The following VPS9D1 variants were observed in gnomAD, a reference collection of about 807,000 sequenced individuals.
The protein encoded by VPS9D1 is VPS9 domain-containing protein 1.
Under a neutral mutation model 75.8 loss-of-function variants are expected in VPS9D1, and 78 were observed. The ratio of observed to expected loss-of-function variants is 1.03; its 90% confidence interval spans 0.86 to 1.24. The LOEUF (loss-of-function observed/expected upper bound fraction) is 1.24, where lower values mean the gene tolerates loss of function less well. VPS9D1 is among the 50% of genes most tolerant of loss of function. The pLI, the probability that VPS9D1 is intolerant of heterozygous loss-of-function variation, is 0.00. For missense variants in VPS9D1, 1,057 were observed against 847.7 expected (o/e 1.25, Z -3.07); for synonymous variants, 481 against 385.6 (o/e 1.25, Z -2.90).
intron 4 of VPS9D1, among the ~76,000 whole-genome samples, chr16:89,714,776 C>T (rs753482236): frequency 1.3e-5 from 2 of 152,142 alleles, no homozygotes; most frequent in African/African-American, 2.4e-5. Context: ...CGCTCTGTTG[C>T]TAGGCTGGAG....
intron 4 of VPS9D1, among the ~76,000 whole-genome samples, 157 bp downstream of exon 4, chr16:89,716,305 G>T (rs1376427650): frequency 6.6e-6 from 1 of 152,064 alleles, no homozygotes; most frequent in African/African-American, 2.4e-5. Flanking sequence ...GGTGGAGGTT[G>T]CCGTGAGCCA....
Position 89,710,829 on chromosome 16 carries a change from C to G in VPS9D1, c.1015G>C (p.Glu339Gln), listed in dbSNP as rs902718558. 1.3e-6 allele frequency: 2 copies of G among 1,525,658 alleles called. No homozygotes were observed. Among genetic ancestry groups the G allele is most frequent in the Non-Finnish European group, 1.8e-6 (2 of 1,131,564 alleles). The allele number at this position is 1,525,658 out of a possible 1,614,324, so 94.5% of individuals were successfully genotyped here. ...TGGGGCCGCGGGGCTGCGCTGGGCTCGGGCGGGGACAGCATGCAATGGAGG... is the reference window on the plus strand; with the variant it reads ...TGGGGCCGCGGGGCTGCGCTGGGCTGGGGCGGGGACAGCATGCAATGGAGG... ...QSLHCMLSPP[E>Q]PSAAPRPQDS... Residue 339 changes from glutamate (E) to glutamine (Q), a missense_variant, in exon 10 of 15, where the codon GAG (glutamate) becomes CAG (glutamine). Glu to Gln is a conservative substitution (Grantham distance 29, BLOSUM62 2). Coordinates refer to ENST00000389386, the MANE Select transcript of VPS9D1 (RefSeq NM_004913.3).
chr16:89,716,746 C>T lies in VPS9D1; in HGVS notation c.252G>A (p.Ser84=), dbSNP rs780040429. The part of the protein sequence containing the change: ...LAQQCLERAQ[S]TAAKLGKTRL... ...GAGACCCACCAAGCTTGGCGGCCGT[C>T]GACTGGGCCCTCTCCAGACACTGCT... Residue 84 remains serine (S), a synonymous_variant, in exon 3 of 15, where the codon TCG becomes TCA. Coordinates refer to ENST00000389386, the MANE Select transcript of VPS9D1 (RefSeq NM_004913.3). 1.8e-5 allele frequency: 28 copies of T among 1,588,524 alleles called. No homozygotes were observed. Among genetic ancestry groups the T allele is most frequent in the South Asian group, 1.2e-4 (11 of 89,084 alleles).
At chr16:89,708,574 T>C in intron 13 of VPS9D1, 43 bp from the exon 14 acceptor site, 2 of 1,575,840 alleles carry the variant, frequency 1.3e-6, no homozygotes, top group Non-Finnish European at 1.7e-6. Context: ...GCCAGGAGCC[T>C]CTCACTCCGC....
chr16:89,709,167 C>T (rs1025597125), intron 12 of VPS9D1, 60 bp downstream of exon 12: 6 of 1,604,320 alleles, frequency 3.7e-6, no homozygotes, highest in African/African-American at 1.3e-5. Flanking sequence ...AAGACACAGG[C>T]TCCAGGTCAC....
intron 12 of VPS9D1, 38 bp downstream of exon 12, chr16:89,709,189 G>A (rs762591318): frequency 6.2e-7 from 1 of 1,610,502 alleles, no homozygotes; most frequent in Non-Finnish European, 8.5e-7. Flanking sequence ...TACTGGGATG[G>A]GAGCCTGTCC....
chr16:89,713,308 G>A lies in VPS9D1; in HGVS notation c.432-592C>T, dbSNP rs191531923. 7.1e-4 allele frequency among the ~76,000 whole-genome samples: 107 copies of A among 151,222 alleles called. 1 individual carries two copies. The highest frequency in any genetic ancestry group is 1.7e-3 in the African/African-American group (70 of 41,184). Reference sequence around the variant, plus strand: ...CTCGCTCTGTCGCCCAGGCTGGAGCGCAGTGGCGCAATCTCGGCTCACTGC... The same window carrying A: ...CTCGCTCTGTCGCCCAGGCTGGAGCACAGTGGCGCAATCTCGGCTCACTGC... On this transcript the variant is annotated intron_variant, in intron 4 of 14. Coordinates refer to ENST00000389386, the MANE Select transcript of VPS9D1 (RefSeq NM_004913.3).
In VPS9D1 at chr16:89,709,432, G is replaced by C. The variant is rs751640470; in HGVS notation, c.1392C>G (p.Ser464Arg). The change falls in exon 12 of 15, where the codon AGC becomes AGG. Residue 464 changes from serine (S) to arginine (R), a missense_variant. Ser to Arg is a moderately radical substitution (Grantham distance 110). Transcript: ENST00000389386. ...LWPLLLALYR[S>R]VHRAREAALS... is the part of the protein sequence containing the mutation. The stretch of plus-strand genomic sequence containing the variant: ...GGGCAGCCTCCCGGGCTCGGTGCAC[G>C]CTCCTGGGGCAGAGAGAGGCCAGGC... 13 of 1,507,784 alleles carry C rather than the reference G, an allele frequency of 8.6e-6. No homozygotes were observed. The highest frequency in any genetic ancestry group is 1.1e-5 in the Non-Finnish European group (12 of 1,136,950). 93.4% of individuals were successfully genotyped at this position (1,507,784 alleles called of 1,614,324 possible). A position where few individuals can be genotyped will look rare whatever the true frequency, so the allele number is the denominator to read the frequency against.
intron 9 of VPS9D1, 151 bp downstream of exon 9, chr16:89,711,176 G>C: frequency 8.7e-7 from 1 of 1,146,020 alleles, no homozygotes; most frequent in Non-Finnish European, 1.2e-6. Flanking sequence ...AGAAGCCGAG[G>C]AAACGCCCTC....
At chr16:89,710,199 C>T (rs767745152) in intron 10 of VPS9D1, among the ~76,000 whole-genome samples, 29 of 152,178 alleles carry the variant, frequency 1.9e-4, no homozygotes, top group Non-Finnish European at 2.8e-4. Flanking sequence ...TAGATCCAAC[C>T]CCCTGTGGGT....
intron 4 of VPS9D1, among the ~76,000 whole-genome samples, chr16:89,714,635 T>C (rs62068368): frequency 0.017 from 2,554 of 152,348 alleles, 29 homozygotes; most frequent in Non-Finnish European, 0.024. Context: ...TCTCTCCCAC[T>C]TGGGAGTCAC....
Position 89,709,206 on chromosome 16 carries a change from CT to C in VPS9D1, c.1597+20del, listed in dbSNP as rs1483314319. The stretch of plus-strand genomic sequence containing the variant: ...CTGGGATGGGAGCCTGTCCCTCCCC[CT>C]GACTCTCGAACCTGCTGACCTATGC... On this transcript the variant is annotated intron_variant, in intron 12 of 14. Transcript: ENST00000389386. 1.9e-6 allele frequency: 3 copies of C among 1,611,522 alleles called. No homozygotes were observed. Among genetic ancestry groups the C allele is most frequent in the East Asian group, 2.2e-5 (1 of 44,874 alleles).
At chr16:89,711,802 C>A (rs1052751840) in intron 8 of VPS9D1, 80 bp downstream of exon 8, 7 of 1,478,206 alleles carry the variant, frequency 4.7e-6, no homozygotes, top group Non-Finnish European at 6.4e-6. Flanking sequence ...CCGCCCCCCA[C>A]GGGGGCCCAC....
At position 89,711,489 on chromosome 16, in the gene VPS9D1, G is replaced by T. The variant is rs1455398370; in HGVS notation, c.748-77C>A. The T allele has an allele frequency of 2.9e-6, 4 of 1,359,244 alleles. No individual in the cohort carries two copies. In the South Asian group the frequency reaches 5.5e-5, roughly 19 times the overall value. The allele number at this position is 1,359,244 out of a possible 1,614,324, so 84.2% of individuals were successfully genotyped here. On this transcript the variant is annotated intron_variant, in intron 8 of 14. Transcript: ENST00000389386. ...ACGCGCCTCATCTCCCACCAGTGCC[G>T]ACCCCTAGAGACTGTGGGAGCCCGT...
intron 2 of VPS9D1, 149 bp downstream of exon 2, chr16:89,718,878 T>G: frequency 1.5e-6 from 1 of 646,874 alleles, no homozygotes; most frequent in Non-Finnish European, 2.6e-6. Flanking sequence ...CAGGCCCAGC[T>G]GATTTTTTAG....
chr16:89,711,093 G>A, intron 9 of VPS9D1, 83 bp from the exon 10 acceptor site: 5 of 1,365,336 alleles, frequency 3.7e-6, no homozygotes, highest in Non-Finnish European at 4.8e-6. Context: ...CCCGGTTTCA[G>A]AGAAGCGACT....
intron 11 of VPS9D1, 111 bp downstream of exon 11, chr16:89,709,666 A>G: frequency 6.5e-7 from 1 of 1,539,004 alleles, no homozygotes; most frequent in Non-Finnish European, 8.8e-7. Context: ...AGCAAACACG[A>G]GTCTTGGGGA....
intron 4 of VPS9D1, 67 bp from the exon 5 acceptor site, chr16:89,712,783 C>T: frequency 7.5e-7 from 1 of 1,340,294 alleles, no homozygotes; most frequent in South Asian, 1.5e-5. Flanking sequence ...CCAGAGGAGT[C>T]TCTCTCATCC....
Position 89,708,422 on chromosome 16 carries a change from T to C in VPS9D1, c.1802+5A>G, listed in dbSNP as rs1487865150. On this transcript the variant is annotated splice_donor_5th_base_variant and intron_variant, in intron 14 of 14. Transcript: ENST00000389386. The stretch of plus-strand genomic sequence containing the variant: ...AGACCCCCACCCTGACCCGCCAGGG[T>C]CTACCCCTCGTGGATGAACTCCTCC... The C allele has an allele frequency of 1.2e-6, 2 of 1,609,616 alleles. No homozygotes were observed. The highest frequency in any genetic ancestry group is 1.3e-5 in the African/African-American group (1 of 74,866).
Sources: allele counts gnomAD v4.1 joint callset (sites outside exome capture counted in the v4.1 genomes callset), GRCh38; gene constraint gnomAD v4.1.1; transcripts MANE v1.5; gene names NCBI Gene and HGNC (gene_info 2026-07-23, HGNC 2026-07-21).